RADIL: variants seen among roughly 807,000 people sequenced by gnomAD.
RADIL encodes Rap associating with DIL domain.
A neutral mutation model predicts 97.6 loss-of-function variants in RADIL; 99 were observed. The observed-to-expected ratio is 1.01, with a 90% confidence interval of 0.86 to 1.20. RADIL has a LOEUF of 1.20. RADIL is among the 50% of genes most tolerant of loss of function. RADIL has a pLI of 0.00. For missense variants in RADIL, 1,765 were observed against 1,498.9 expected, an observed-to-expected ratio of 1.18 and a Z score of -2.93; for synonymous variants, 803 against 691.8, an observed-to-expected ratio of 1.16 and a Z score of -2.52.
rs1414905860 is a variant in RADIL at position 4,799,695 on chromosome 7, G to A, written c.3057C>T (p.Arg1019=). ...CCAGGATACGGTCCCCCAGCGACAG[G>A]CGCCCGTCGGCCGCTGCGGGGCTGC... ...LPGSPAAADG[R]LSLGDRILEV... The change falls in exon 14 of 15, where the codon CGC becomes CGT. Residue 1019 remains arginine, a synonymous_variant. Coordinates refer to ENST00000399583, the MANE Select transcript of RADIL (RefSeq NM_018059.5). 4 of 1,579,584 alleles carry A rather than the reference G, an allele frequency of 2.5e-6. 2 individuals carry two copies. The highest frequency in any genetic ancestry group is 3.4e-6 in the Non-Finnish European group (4 of 1,164,492).
At chr7:4,808,780 G>A (rs568895718) in intron 9 of RADIL, 3 of 945,246 alleles carry the variant, frequency 3.2e-6, no homozygotes, top group East Asian at 2.6e-4. Context: ...CGACGCCACT[G>A]CCCTCCATTC....
chr7:4,816,157 G>A, intron 8 of RADIL, 71 bp downstream of exon 8: 1 of 1,422,266 alleles, frequency 7.0e-7, no homozygotes. Context: ...GAGCTGGCGA[G>A]GGAGGCGCCA....
At position 4,799,687 on chromosome 7, in the gene RADIL, A is replaced by T; in HGVS notation, c.3065T>A (p.Leu1022Gln). ...ATTCACCTCCAGGATACGGTCCCCC[A>T]GCGACAGGCGCCCGTCGGCCGCTGC... is the stretch of plus-strand genomic sequence containing the variant. ...SPAAADGRLS[L>Q]GDRILEVNGS... The change falls in exon 14 of 15, where the codon CTG becomes CAG. Residue 1022 changes from leucine to glutamine, a missense_variant. Leu to Gln is a moderately radical substitution (Grantham distance 113). Coordinates refer to ENST00000399583, the MANE Select transcript of RADIL (RefSeq NM_018059.5). 6.3e-7 allele frequency: 1 copy of T among 1,586,898 alleles called. No homozygotes were observed. The highest frequency in any genetic ancestry group is 1.7e-4 in the Middle Eastern group (1 of 6,008).
At chr7:4,827,691 T>C (rs1209296812) in intron 5 of RADIL, among the ~76,000 whole-genome samples, 2 of 152,070 alleles carry the variant, frequency 1.3e-5, no homozygotes. Context: ...AAATAAAAAA[T>C]GAAGTAAACC....
intron 2 of RADIL, among the ~76,000 whole-genome samples, chr7:4,853,953 G>T (rs1783768799): frequency 6.6e-6 from 1 of 152,162 alleles, no homozygotes. Flanking sequence ...CTCCCTTGCA[G>T]GTAGGCACAG....
Position 4,835,165 on chromosome 7 carries a change from G to A in RADIL, c.858C>T (p.Ile286=), listed in dbSNP as rs760282372. ...GCAGGATGTCGGGGGCTGAGAGGCTGATGCTGGGCTTGCTGGAGGGGGTCC... is the reference window on the plus strand; with the variant it reads ...GCAGGATGTCGGGGGCTGAGAGGCTAATGCTGGGCTTGCTGGAGGGGGTCC... The part of the protein sequence containing the change: ...GQRTPSSKPS[I]SLSAPDILPL... The change falls in exon 4 of 15, where the codon ATC becomes ATT. Residue 286 remains isoleucine, a synonymous_variant. Transcript: ENST00000399583. This position sits in a 1 kb window ranked among gnomAD's most constrained non-coding sequence, Gnocchi z 5.8. The A allele has an allele frequency of 1.2e-6, 2 of 1,611,786 alleles. No homozygotes were observed. The highest frequency in any genetic ancestry group is 1.3e-5 in the African/African-American group (1 of 75,024).
Position 4,814,732 on chromosome 7 carries a change from C to T in RADIL, c.2139+546G>A, listed in dbSNP as rs1352293846. Among the ~76,000 whole-genome samples, 1 of 152,186 alleles carries T rather than the reference C, an allele frequency of 6.6e-6. No individual in the cohort carries two copies. Among genetic ancestry groups the T allele is most frequent in the Non-Finnish European group, 1.5e-5 (1 of 68,036 alleles). On this transcript the variant is annotated intron_variant, in intron 9 of 14. Transcript: ENST00000399583. The surrounding 1 kb of genome is among the most constrained non-coding windows in gnomAD (Gnocchi z 4.5). The stretch of plus-strand genomic sequence containing the variant: ...TCACAGAGCTGACAGCAAGATGAAG[C>T]CCCCGGGGGAGGATCTGTCTCCCTG...
chr7:4,809,310 G>T lies in RADIL; in HGVS notation c.2140-3594C>A, dbSNP rs1006527537. ...TCACGAGGTTCCTGCCCTCGGCTCGGCCTAGTTTCCCTAGCCAGGAGAAGT... is the reference window on the plus strand; with the variant it reads ...TCACGAGGTTCCTGCCCTCGGCTCGTCCTAGTTTCCCTAGCCAGGAGAAGT... On this transcript the variant is annotated intron_variant, in intron 9 of 14. Transcript: ENST00000399583. The T allele has an allele frequency of 7.1e-5, 70 of 985,362 alleles. No homozygotes were observed. The African/African-American group carries it at 1.1e-3, about 16-fold the overall frequency. 61.0% of individuals were successfully genotyped at this position (985,362 alleles called of 1,614,324 possible).
rs1782723946 is a variant in RADIL at position 4,818,027 on chromosome 7, G to T, written c.1616-676C>A. ...GGTCCCATCAGCACCTGGGGAAGGG[G>T]CCAGGACCCTGGGTGTTCCGCCTTT... is the stretch of plus-strand genomic sequence containing the variant. On this transcript the variant is annotated intron_variant, in intron 6 of 14. Transcript: ENST00000399583. The surrounding 1 kb of genome is among the most constrained non-coding windows in gnomAD (Gnocchi z 7.1). 6.6e-6 allele frequency among the ~76,000 whole-genome samples: 1 copy of T among 152,214 alleles called. No individual in the cohort carries two copies. Among genetic ancestry groups the T allele is most frequent in the African/African-American group, 2.4e-5 (1 of 41,450 alleles).
chr7:4,846,233 G>A (rs920855737), intron 2 of RADIL, among the ~76,000 whole-genome samples: 3 of 150,516 alleles, frequency 2.0e-5, no homozygotes, highest in South Asian at 4.2e-4. Flanking sequence ...TGCAACCTCC[G>A]ACTCCCTGGT....
intron 5 of RADIL, among the ~76,000 whole-genome samples, chr7:4,829,155 C>T (rs2115214204): frequency 6.6e-6 from 1 of 152,364 alleles, no homozygotes. Context: ...TCAGGTGCCA[C>T]TGTAGGGGCC....
At chr7:4,851,686 G>A (rs1012418834) in intron 2 of RADIL, among the ~76,000 whole-genome samples, 2 of 151,780 alleles carry the variant, frequency 1.3e-5, no homozygotes, top group Admixed American at 6.5e-5. Flanking sequence ...AGAAGGTGCT[G>A]CCTGGTTTCT....
chr7:4,850,363 G>A (rs1300928671), intron 2 of RADIL, among the ~76,000 whole-genome samples: 2 of 152,136 alleles, frequency 1.3e-5, no homozygotes, highest in Non-Finnish European at 2.9e-5. Context: ...ATGGCTCCAT[G>A]GTCTCTGCCC....
At chr7:4,807,132 A>C (rs1351162563) in intron 9 of RADIL, among the ~76,000 whole-genome samples, 1 of 150,798 alleles carries the variant, frequency 6.6e-6, no homozygotes, top group African/African-American at 2.4e-5. Context: ...CTCTGTTCTC[A>C]CCTTTGCCTC....
Position 4,799,653 on chromosome 7 carries a change from G to C in RADIL, c.3099C>G (p.Ser1033Arg), listed in dbSNP as rs745580125. 1 of 1,601,732 alleles carries C rather than the reference G, an allele frequency of 6.2e-7. No individual in the cohort carries two copies. The highest frequency in any genetic ancestry group is 8.5e-7 in the Non-Finnish European group (1 of 1,175,190). ...ACCTCAGGTAGCCAAGGCCCAGGAG[G>C]CTGCTGCCATTCACCTCCAGGATAC... ...GDRILEVNGS[S>R]LLGLGYLRAV... The change falls in exon 14 of 15, where the codon AGC becomes AGG. Residue 1033 changes from serine to arginine, a missense_variant. Transcript: ENST00000399583.
At position 4,878,003 on chromosome 7, in the gene RADIL, A is replaced by G; in HGVS notation, c.137T>C (p.Leu46Pro). 6.2e-7 allele frequency: 1 copy of G among 1,611,344 alleles called. No homozygotes were observed. ...CTCGGCGGGGTCATCGCTGGCGCCC[A>G]GGCTGGAGAAGGTGGAGTCCAGGTC... ...YRDLDSTFSS[L>P]GASDDPAELS... The change falls in exon 2 of 15, where the codon CTG becomes CCG. Residue 46 changes from leucine (L) to proline (P), a missense_variant. Coordinates refer to ENST00000399583, the MANE Select transcript of RADIL (RefSeq NM_018059.5). The surrounding 1 kb of genome is among the most constrained non-coding windows in gnomAD (Gnocchi z 4.1).
chr7:4,863,119 C>G (rs971059615), intron 2 of RADIL, among the ~76,000 whole-genome samples: 1 of 152,096 alleles, frequency 6.6e-6, no homozygotes, highest in Non-Finnish European at 1.5e-5. Context: ...AGCCGTGTGT[C>G]TTTCTGGGTG....
rs145761334 is a variant in RADIL, at chr7:4,844,761, C to T, written c.536-8156G>A. On this transcript the variant is annotated intron_variant, in intron 2 of 14. Coordinates refer to ENST00000399583, the MANE Select transcript of RADIL (RefSeq NM_018059.5). ...CTGGGACTACATGTGCACACCACCA[C>T]GCCCAGCTAATTTTGTATTTTTTAT... Among the ~76,000 whole-genome samples, 123 of 152,108 alleles carry T rather than the reference C, an allele frequency of 8.1e-4. 1 individual carries two copies. The East Asian group carries it at 0.019, about 23-fold the overall frequency.
rs184521749 is a variant in RADIL at position 4,874,962 on chromosome 7, G to A, written c.535+2643C>T. Among the ~76,000 whole-genome samples the A allele has an allele frequency of 6.4e-3, 977 of 152,208 alleles. 3 individuals are homozygous for A. Among genetic ancestry groups the A allele is most frequent in the South Asian group, 0.018 (87 of 4,818 alleles). ...AATCCCAGCACTTTGGGAGGCCGAG[G>A]CGGGCGGATCACAAGGTCAGGAGAT... On this transcript the variant is annotated intron_variant, in intron 2 of 14. Coordinates refer to ENST00000399583, the MANE Select transcript of RADIL (RefSeq NM_018059.5).
Sources: gnomAD v4.1 joint callset for allele counts (sites outside exome capture counted in the v4.1 genomes callset) on GRCh38, gnomAD v4.1.1 for gene constraint, Gnocchi (gnomAD v3.1) non-coding constraint, MANE v1.5 for transcripts, NCBI Gene and HGNC (gene_info 2026-07-23, HGNC 2026-07-21) for gene names.